The following MPP7 variants were observed in gnomAD, a reference collection of about 807,000 sequenced individuals.
The protein encoded by MPP7 is MAGUK p55 scaffold protein 7, also known as MAGUK p55 subfamily member 7.
MPP7 carries 60 observed loss-of-function variants against 76.5 expected under a neutral mutation model. The observed-to-expected ratio is 0.78, with a 90% CI of 0.64 to 0.97. The LOEUF is 0.97. MPP7 is among the 50% of genes least tolerant of loss of function. The pLI is 0.00. For synonymous variants in MPP7, 237 were observed against 244.5 expected, an observed-to-expected ratio of 0.97 and a Z score of 0.29; for missense variants, 641 against 694.0, an observed-to-expected ratio of 0.92 and a Z score of 0.86.
intron 13 of MPP7, among the ~76,000 whole-genome samples, chr10:28,067,371 TTTAA>T (rs1378873717): frequency 2.0e-5 from 3 of 152,046 alleles, no homozygotes; most frequent in Non-Finnish European, 4.4e-5. Context: ...TATATTCTTC[TTTAA>T]TTAATTAAAT....
At chr10:28,309,413 CAA>C (rs3064166) in intron 2 of MPP7, among the ~76,000 whole-genome samples, 6 of 131,088 alleles carry the variant, frequency 4.6e-5, no homozygotes, top group African/African-American at 2.9e-5. Flanking sequence ...GACTCCATCT[CAA>C]AAAAAAAAAA....
In MPP7 at chr10:28,313,028, C is replaced by T. The variant is rs72805605; in HGVS notation, c.-132+16901G>A. Reference sequence around the variant, plus strand: ...GTTTCCAGGACCCAGGCTTCACTTCCAGCAAAGATGTTACTTTAGAAGATG... The same window carrying T: ...GTTTCCAGGACCCAGGCTTCACTTCTAGCAAAGATGTTACTTTAGAAGATG... On this transcript the variant is annotated intron_variant, in intron 2 of 11. Transcript: ENST00000441595. Among the ~76,000 whole-genome samples, 923 of 152,294 alleles carry T rather than the reference C, an allele frequency of 6.1e-3. 6 individuals carry two copies. Among genetic ancestry groups the T allele is most frequent in the Admixed American group, 0.013 (205 of 15,290 alleles).
chr10:28,053,998 T>C lies in MPP7; in HGVS notation c.*67A>G, dbSNP rs546262734. 11 of 1,235,440 alleles carry C rather than the reference T, an allele frequency of 8.9e-6. No homozygotes were observed. Among genetic ancestry groups the C allele is most frequent in the African/African-American group, 3.0e-5 (2 of 66,110 alleles). The allele number at this position is 1,235,440 out of a possible 1,614,324, so 76.5% of individuals were successfully genotyped here. Reference sequence around the variant, plus strand: ...AGTGATATAGATTTAAAAACCCTACTACCAAAACTGTAATTGATTTCATCA... The same window carrying C: ...AGTGATATAGATTTAAAAACCCTACCACCAAAACTGTAATTGATTTCATCA... On this transcript the variant is annotated 3_prime_UTR_variant, in exon 17 of 17. Coordinates refer to ENST00000683449, the MANE Select transcript of MPP7 (RefSeq NM_001318170.2).
chr10:28,173,530 C>T (rs1004838658), intron 3 of MPP7, among the ~76,000 whole-genome samples: 2 of 152,178 alleles, frequency 1.3e-5, no homozygotes, highest in South Asian at 2.1e-4. Context: ...TTGCCTTCCA[C>T]TGTAAGTGGA....
intron 12 of MPP7, among the ~76,000 whole-genome samples, chr10:28,076,611 G>A (rs1057190877): frequency 2.6e-5 from 4 of 152,102 alleles, no homozygotes; most frequent in Non-Finnish European, 5.9e-5. Context: ...GGCCAGGCCA[G>A]GCCCAGTGGC....
intron 12 of MPP7, among the ~76,000 whole-genome samples, chr10:28,070,282 C>T (rs1259932471): frequency 6.6e-6 from 1 of 152,034 alleles, no homozygotes; most frequent in Non-Finnish European, 1.5e-5. Context: ...GCCTGTAGTC[C>T]CAGCTACTCA....
At chr10:28,165,767 G>A (rs1375362839) in intron 3 of MPP7, among the ~76,000 whole-genome samples, 1 of 152,106 alleles carries the variant, frequency 6.6e-6, no homozygotes, top group Non-Finnish European at 1.5e-5. Context: ...GCTCACGCCT[G>A]AAATCCCAGC....
chr10:28,192,736 T>C (rs913863094), intron 3 of MPP7, among the ~76,000 whole-genome samples: 2 of 152,106 alleles, frequency 1.3e-5, no homozygotes, highest in African/African-American at 4.8e-5. Flanking sequence ...CCAATCAAAA[T>C]CCCAGCAGAT....
intron 10 of MPP7, 109 bp from the exon 11 acceptor site, chr10:28,119,824 A>C (rs959979443): frequency 1.2e-6 from 1 of 829,930 alleles, no homozygotes; most frequent in Admixed American, 2.7e-5. Flanking sequence ...AGAGAAAAAA[A>C]TGAATGTAAT....
chr10:28,093,443 C>CA (rs1554834694), intron 11 of MPP7, among the ~76,000 whole-genome samples: 13 of 138,588 alleles, frequency 9.4e-5, no homozygotes, highest in African/African-American at 3.2e-4. Context: ...TTTTACTTTC[C>CA]TTTTTTTTTT....
At chr10:28,296,163 A>G (rs1841031243) in intron 1 of MPP7, among the ~76,000 whole-genome samples, 1 of 152,184 alleles carries the variant, frequency 6.6e-6, no homozygotes, top group African/African-American at 2.4e-5. Context: ...ATCAAAGGTA[A>G]AGAAAACTCT....
chr10:28,181,639 T>C (rs1837063169), intron 3 of MPP7, among the ~76,000 whole-genome samples: 2 of 152,236 alleles, frequency 1.3e-5, no homozygotes, highest in Non-Finnish European at 1.5e-5. Flanking sequence ...TCAGTTTCCT[T>C]TAATCAGGCA....
intron 1 of MPP7, among the ~76,000 whole-genome samples, chr10:28,279,753 C>T (rs567405695): frequency 6.6e-6 from 1 of 151,926 alleles, no homozygotes; most frequent in South Asian, 2.1e-4. Flanking sequence ...TCACTTATTC[C>T]GCACAGGCAT....
At chr10:28,225,990 G>A (rs1316866787) in intron 2 of MPP7, among the ~76,000 whole-genome samples, 2 of 152,094 alleles carry the variant, frequency 1.3e-5, no homozygotes, top group Non-Finnish European at 2.9e-5. Context: ...CATCTCACAT[G>A]TCCACCAACT....
intron 1 of MPP7, among the ~76,000 whole-genome samples, chr10:28,262,277 A>ATATAT: frequency 1.8e-5 from 1 of 54,332 alleles, no homozygotes; most frequent in Admixed American, 2.8e-4. Context: ...ATATATATAT[A>ATATAT]TTTTTTTTTT....
At chr10:28,086,878 AC>A in intron 12 of MPP7, among the ~76,000 whole-genome samples, 1 of 152,096 alleles carries the variant, frequency 6.6e-6, no homozygotes, top group Admixed American at 6.5e-5. Context: ...CAACCTAGGG[AC>A]TCTGAAAGGC....
intron 2 of MPP7, among the ~76,000 whole-genome samples, chr10:28,313,853 A>ATTTTTAT (rs1841304047): frequency 3.1e-5 from 1 of 32,676 alleles, no homozygotes; most frequent in Non-Finnish European, 5.3e-5. Context: ...TACCTGGCTA[A>ATTTTTAT]TTTTTTTTTT....
chr10:28,256,175 G>A (rs79347646), intron 1 of MPP7, among the ~76,000 whole-genome samples: 1,570 of 152,158 alleles, frequency 0.01, 29 homozygotes, highest in East Asian at 0.07. Flanking sequence ...GAAGACAGCA[G>A]CGGCTCAAAT....
chr10:28,328,519 G>C (rs753899740), intron 2 of MPP7, among the ~76,000 whole-genome samples: 10 of 151,490 alleles, frequency 6.6e-5, no homozygotes, highest in Middle Eastern at 3.5e-3. Context: ...ATAGTTAAGA[G>C]GGAGGAAAAA....
Sources: allele counts gnomAD v4.1 joint callset (sites outside exome capture counted in the v4.1 genomes callset), GRCh38; gene constraint gnomAD v4.1.1; transcripts MANE v1.5; gene names NCBI Gene and HGNC (gene_info 2026-07-23, HGNC 2026-07-21).